The following TCEANC2 variants were observed in gnomAD, a reference collection of about 807,000 sequenced individuals.
TCEANC2 encodes the protein transcription elongation factor A N-terminal and central domain containing 2.
TCEANC2 carries 20 observed loss-of-function variants against 22.8 expected under a neutral mutation model. The observed-to-expected ratio is 0.88, with a 90% CI of 0.62 to 1.28. The LOEUF is 1.28. TCEANC2 is among the 50% of genes most tolerant of loss of function. TCEANC2 has a pLI of 0.00. For synonymous variants in TCEANC2, 84 were observed against 95.5 expected (o/e 0.88, Z 0.70); for missense variants, 251 against 249.7 (o/e 1.01, Z -0.03).
At chr1:54,068,610 C>A in intron 2 of TCEANC2, 146 bp from the exon 3 acceptor site, 1 of 706,782 alleles carries the variant, frequency 1.4e-6, no homozygotes, top group Non-Finnish European at 2.2e-6. Flanking sequence ...AATTACCCAT[C>A]ATTTGGGGCC....
At chr1:54,089,465 T>C (rs1258721542) in intron 4 of TCEANC2, among the ~76,000 whole-genome samples, 2 of 152,206 alleles carry the variant, frequency 1.3e-5, no homozygotes, top group African/African-American at 2.4e-5. Context: ...GTTTGAAGTA[T>C]ACATGCTGGA....
chr1:54,079,756 T>C (rs1229547507), intron 3 of TCEANC2, among the ~76,000 whole-genome samples: 1 of 152,192 alleles, frequency 6.6e-6, no homozygotes, highest in Non-Finnish European at 1.5e-5. Flanking sequence ...TTTTGCCATG[T>C]AAGGTAACGT....
At position 54,103,476 on chromosome 1, in the gene TCEANC2, C is replaced by T. The variant is rs1658695564; in HGVS notation, c.*7003C>T. ...CTTGAGAAGTCACTCACTATCATGA[C>T]AACAGCATGGGGGAAACCGGCTCCG... On this transcript the variant is annotated 3_prime_UTR_variant, in exon 5 of 5. Transcript: ENST00000234827. 6.6e-6 allele frequency: 1 copy of T among 152,202 alleles called. No homozygotes were observed. Among genetic ancestry groups the T allele is most frequent in the Non-Finnish European group, 1.5e-5 (1 of 68,046 alleles). 9.4% of individuals were successfully genotyped at this position (152,202 alleles called of 1,614,324 possible).
intron 2 of TCEANC2, among the ~76,000 whole-genome samples, chr1:54,056,574 C>T (rs923147085): frequency 6.6e-6 from 1 of 152,042 alleles, no homozygotes; most frequent in Non-Finnish European, 1.5e-5. Context: ...ATCTGCCCAC[C>T]TCGGCCTCCC....
In TCEANC2 at chr1:54,101,129, T is replaced by A. The variant is rs1367572807; in HGVS notation, c.*4656T>A. 2 of 152,212 alleles carry A rather than the reference T, an allele frequency of 1.3e-5. No individual in the cohort carries two copies. Among genetic ancestry groups the A allele is most frequent in the Non-Finnish European group, 2.9e-5 (2 of 68,042 alleles). 9.4% of individuals were successfully genotyped at this position (152,212 alleles called of 1,614,324 possible). On this transcript the variant is annotated 3_prime_UTR_variant, in exon 5 of 5. Transcript: ENST00000234827. Reference sequence around the variant, plus strand: ...ATAGAATATCAGGTTCTTAAACTTGTGCCTGTCAACCTTGGTTTTCTTTTG... The same window carrying A: ...ATAGAATATCAGGTTCTTAAACTTGAGCCTGTCAACCTTGGTTTTCTTTTG...
chr1:54,058,157 G>A (rs1444161009), intron 2 of TCEANC2, among the ~76,000 whole-genome samples: 1 of 152,162 alleles, frequency 6.6e-6, no homozygotes, highest in East Asian at 1.9e-4. Context: ...GTTTGGTACA[G>A]AGTCTGGCCA....
In TCEANC2 at chr1:54,104,467, A is replaced by G. The variant is rs1658711525; in HGVS notation, c.*7994A>G. The G allele has an allele frequency of 2.7e-6, 1 of 374,844 alleles. No homozygotes were observed. The highest frequency in any genetic ancestry group is 5.4e-6 in the Non-Finnish European group (1 of 185,292). 23.2% of individuals were successfully genotyped at this position (374,844 alleles called of 1,614,324 possible). The stretch of plus-strand genomic sequence containing the variant: ...GGAGGAGGTACAGCTGCTGTTAAGC[A>G]ATGGAGGGAAGGGAGGTATATCTTT... On this transcript the variant is annotated 3_prime_UTR_variant, in exon 5 of 5. Transcript: ENST00000234827.
In TCEANC2 at chr1:54,100,619, A is replaced by G. The variant is rs1359084047; in HGVS notation, c.*4146A>G. On this transcript the variant is annotated 3_prime_UTR_variant, in exon 5 of 5. Transcript: ENST00000234827. Reference sequence around the variant, plus strand: ...GAGTTCTTAGCAGAGGGCTCAGTCTATGTGAAAGCACAGAAGCGTGAGGTG... The same window carrying G: ...GAGTTCTTAGCAGAGGGCTCAGTCTGTGTGAAAGCACAGAAGCGTGAGGTG... 1 of 152,260 alleles carries G rather than the reference A, an allele frequency of 6.6e-6. No homozygotes were observed. Among genetic ancestry groups the G allele is most frequent in the Non-Finnish European group, 1.5e-5 (1 of 68,058 alleles). The allele number at this position is 152,260 out of a possible 1,614,324, so 9.4% of individuals were successfully genotyped here. A position where few individuals can be genotyped will look rare whatever the true frequency, so the allele number is the denominator to read the frequency against.
downstream of TCEANC2, among the ~76,000 whole-genome samples, chr1:54,109,926 T>A (rs17109765): frequency 0.022 from 3,300 of 152,316 alleles, 70 homozygotes; most frequent in Middle Eastern, 0.078. Context: ...GCAGCCCACA[T>A]GGCATGGAGA....
downstream of TCEANC2, among the ~76,000 whole-genome samples, chr1:54,108,333 A>T (rs756066365): frequency 6.6e-6 from 1 of 152,034 alleles, no homozygotes; most frequent in African/African-American, 2.4e-5. Context: ...TGAAGTCCTC[A>T]CCCCCAGTAC....
Position 54,098,627 on chromosome 1 carries a change from C to T in TCEANC2, c.*2154C>T, listed in dbSNP as rs1658601830. 1 of 152,134 alleles carries T rather than the reference C, an allele frequency of 6.6e-6. No homozygotes were observed. Among genetic ancestry groups the T allele is most frequent in the African/African-American group, 2.4e-5 (1 of 41,406 alleles). 9.4% of individuals were successfully genotyped at this position (152,134 alleles called of 1,614,324 possible). A position where few individuals can be genotyped will look rare whatever the true frequency, so the allele number is the denominator to read the frequency against. Reference sequence around the variant, plus strand: ...TGAAAGCAGAGTCTCTGTTCTGTTCCCTGTTATATCTCCAGCATCTGGAAC... The same window carrying T: ...TGAAAGCAGAGTCTCTGTTCTGTTCTCTGTTATATCTCCAGCATCTGGAAC... On this transcript the variant is annotated 3_prime_UTR_variant, in exon 5 of 5. Coordinates refer to ENST00000234827, the MANE Select transcript of TCEANC2 (RefSeq NM_153035.3).
chr1:54,096,323 G>T lies in TCEANC2; in HGVS notation c.477G>T (p.Thr159=). 6.2e-7 allele frequency: 1 copy of T among 1,602,658 alleles called. No homozygotes were observed. Among genetic ancestry groups the T allele is most frequent in the Non-Finnish European group, 8.5e-7 (1 of 1,170,272 alleles). ...TGGTTGAAAATATTGAACGGGAAAC[G>T]TTTCATCTCTGCTCCCGCCTCATTA... ...HLLVENIERE[T]FHLCSRLING... Residue 159 remains threonine (T), a synonymous_variant, in exon 5 of 5, where the codon ACG becomes ACT. Transcript: ENST00000234827. The surrounding 1 kb of genome is among the most constrained non-coding windows in gnomAD (Gnocchi z 4.9).
chr1:54,064,470 C>T (rs772572432), intron 2 of TCEANC2, among the ~76,000 whole-genome samples: 10 of 152,064 alleles, frequency 6.6e-5, no homozygotes, highest in African/African-American at 9.7e-5. Context: ...AGAGGCTTCC[C>T]GTTGGTTACT....
chr1:54,110,142 C>A (rs2100400752), downstream of TCEANC2, among the ~76,000 whole-genome samples: 1 of 152,296 alleles, frequency 6.6e-6, no homozygotes, highest in East Asian at 1.9e-4. Context: ...CTTAGTCTCC[C>A]AAATGTGACC....
downstream of TCEANC2, among the ~76,000 whole-genome samples, chr1:54,109,410 TG>T (rs1439354336): frequency 2.6e-5 from 4 of 152,152 alleles, no homozygotes; most frequent in South Asian, 2.1e-4. Context: ...GAGGCCAGTA[TG>T]TGGGTGGCCT....
chr1:54,077,972 G>A (rs530308887), intron 3 of TCEANC2, among the ~76,000 whole-genome samples: 3 of 152,036 alleles, frequency 2.0e-5, no homozygotes, highest in Non-Finnish European at 4.4e-5. Flanking sequence ...GATACCTCTT[G>A]GATATGCATC....
rs977073776 is a variant in TCEANC2 at position 54,101,616 on chromosome 1, G to A, written c.*5143G>A. 3 of 152,198 alleles carry A rather than the reference G, an allele frequency of 2.0e-5. No individual in the cohort carries two copies. The highest frequency in any genetic ancestry group is 2.9e-5 in the Non-Finnish European group (2 of 68,040). The allele number at this position is 152,198 out of a possible 1,614,324, so 9.4% of individuals were successfully genotyped here. On this transcript the variant is annotated 3_prime_UTR_variant, in exon 5 of 5. Coordinates refer to ENST00000234827, the MANE Select transcript of TCEANC2 (RefSeq NM_153035.3). Reference sequence around the variant, plus strand: ...TACAGTCTAGTGAAGACTGTAAACAGACAATAAACAGACAATTTTTACTAT... The same window carrying A: ...TACAGTCTAGTGAAGACTGTAAACAAACAATAAACAGACAATTTTTACTAT...
At chr1:54,077,865 T>C (rs1658170741) in intron 3 of TCEANC2, among the ~76,000 whole-genome samples, 1 of 152,170 alleles carries the variant, frequency 6.6e-6, no homozygotes, top group Non-Finnish European at 1.5e-5. Flanking sequence ...CCTAACAGGG[T>C]GCTTTTCCAT....
At chr1:54,093,931 T>C (rs139422067) in intron 4 of TCEANC2, among the ~76,000 whole-genome samples, 9 of 152,266 alleles carry the variant, frequency 5.9e-5, no homozygotes, top group East Asian at 1.9e-4. Flanking sequence ...TGGCAAATGC[T>C]GCAGGACAAA....
Sources: gnomAD v4.1 joint callset for allele counts (sites outside exome capture counted in the v4.1 genomes callset) on GRCh38, gnomAD v4.1.1 for gene constraint, Gnocchi (gnomAD v3.1) non-coding constraint, MANE v1.5 for transcripts, NCBI Gene and HGNC (gene_info 2026-07-23, HGNC 2026-07-21) for gene names.